Variants in C2CD3 observed in about 807,000 individuals in gnomAD.
The protein encoded by C2CD3 is C2 domain containing 3 centriole elongation regulator.
Under a neutral mutation model 234.0 loss-of-function variants are expected in C2CD3, and 148 were observed. The observed-to-expected ratio is 0.63, with a 90% confidence interval of 0.55 to 0.72. C2CD3 has a LOEUF of 0.72. Among genes scored for constraint, C2CD3 ranks in the 30% least tolerant of loss-of-function variants. C2CD3 has a pLI of 0.00. For missense variants in C2CD3, 2,577 were observed against 2,811.5 expected, an observed-to-expected ratio of 0.92 and a Z score of 1.89; for synonymous variants, 1,000 against 1,035.4, an observed-to-expected ratio of 0.97 and a Z score of 0.66.
intron 30 of C2CD3, chr11:74,036,546 T>A (rs1016448807): frequency 2.2e-6 from 1 of 455,182 alleles, no homozygotes; most frequent in Admixed American, 2.4e-5. Flanking sequence ...TTTTCTCTCC[T>A]GTTAGACAAA....
intron 11 of C2CD3, among the ~76,000 whole-genome samples, chr11:74,109,947 G>C (rs2135504976): frequency 6.6e-6 from 1 of 152,098 alleles, no homozygotes; most frequent in Admixed American, 6.5e-5. Flanking sequence ...TGGGCGCAGT[G>C]GCAGACGCCT....
Position 74,085,834 on chromosome 11 carries a change from T to C in C2CD3, c.3694A>G (p.Asn1232Asp), listed in dbSNP as rs144017362. ...ALQFSATVGV[N>D]ASVTTHLSFL... Reference sequence around the variant, plus strand: ...GAGAGATGAGTGGTGACAGAGGCATTGACCCCGACTGTGGCACTAAACTGT... The same window carrying C: ...GAGAGATGAGTGGTGACAGAGGCATCGACCCCGACTGTGGCACTAAACTGT... The change falls in exon 21 of 33, where the codon AAT becomes GAT. Residue 1232 changes from asparagine to aspartate, a missense_variant. Asn to Asp is a conservative substitution (Grantham distance 23). Transcript: ENST00000334126. 5.6e-6 allele frequency: 9 copies of C among 1,613,968 alleles called. No individual in the cohort carries two copies. In the African/African-American group the frequency reaches 1.2e-4, roughly 22 times the overall value.
At position 74,078,632 on chromosome 11, in the gene C2CD3, A is replaced by T. The variant is rs1565265389; in HGVS notation, c.4086T>A (p.Gly1362=). Residue 1362 remains glycine, a synonymous_variant, in exon 23 of 33, where the codon GGT becomes GGA. Coordinates refer to ENST00000334126, the MANE Select transcript of C2CD3 (RefSeq NM_001286577.2). The part of the protein sequence containing the change: ...GLELMQKIVG[G]LELSISFTHR... ...GCGTGAAGGAAATCGAAAGCTCCAG[A>T]CCACCCACGATCTTCTGCATGAGCT... 1.9e-6 allele frequency: 3 copies of T among 1,614,138 alleles called. No homozygotes were observed. The highest frequency in any genetic ancestry group is 3.3e-4 in the Middle Eastern group (2 of 6,062).
At position 74,170,829 on chromosome 11, in the gene C2CD3, TCTCCAG is replaced by T. The variant is rs1288977518; in HGVS notation, c.-43_-38del. On this transcript the variant is annotated 5_prime_UTR_variant, in exon 1 of 33. Transcript: ENST00000334126. The stretch of plus-strand genomic sequence containing the variant: ...GCTCTTCTTCACCAGCTCAACTCCG[TCTCCAG>T]CACCTAAGCAGTATCCTCCCGCCAT... 6.2e-7 allele frequency: 1 copy of T among 1,613,834 alleles called. No individual in the cohort carries two copies. The highest frequency in any genetic ancestry group is 8.5e-7 in the Non-Finnish European group (1 of 1,179,878).
intron 24 of C2CD3, among the ~76,000 whole-genome samples, chr11:74,071,439 A>G (rs541140095): frequency 2.0e-4 from 30 of 152,286 alleles, no homozygotes; most frequent in African/African-American, 6.7e-4. Context: ...GTGTAGACCT[A>G]TAGTATAGAG....
chr11:74,112,046 G>C (rs1288885582), intron 11 of C2CD3, among the ~76,000 whole-genome samples: 2 of 151,942 alleles, frequency 1.3e-5, no homozygotes, highest in East Asian at 3.8e-4. Flanking sequence ...AATCTTGATT[G>C]TCTGCAAGGA....
rs1432391474 is a variant in C2CD3, at chr11:74,078,357, G to A, written c.4361C>T (p.Pro1454Leu). ...CTGCTTTTTGTTTACAGATTCCTTA[G>A]GCTTCTTGAGAGGGGTCCAAAAGGC... Reference protein sequence around the residue: ...HEAFWTPLKKPKESVNKKQIM... With the variant: ...HEAFWTPLKKLKESVNKKQIM... Residue 1454 changes from proline to leucine, a missense_variant, in exon 23 of 33, where the codon CCT (proline) becomes CTT (leucine). Physicochemically the swap from Pro to Leu is moderately conservative, Grantham distance 98. Transcript: ENST00000334126. The A allele has an allele frequency of 6.2e-7, 1 of 1,614,088 alleles. No homozygotes were observed. The highest frequency in any genetic ancestry group is 1.7e-5 in the Admixed American group (1 of 60,018).
rs1228404428 is a variant in C2CD3, at chr11:74,084,984, C to G, written c.3911-14G>C. On this transcript the variant is annotated splice_polypyrimidine_tract_variant and intron_variant, in intron 21 of 32. Transcript: ENST00000334126. ...TTATATCACTTGCTGTTAAATCAAGCAAAAAAGAAAAATTATTTGATGGTC... is the reference window on the plus strand; with the variant it reads ...TTATATCACTTGCTGTTAAATCAAGGAAAAAAGAAAAATTATTTGATGGTC... 1 of 1,511,360 alleles carries G rather than the reference C, an allele frequency of 6.6e-7. No individual in the cohort carries two copies. The highest frequency in any genetic ancestry group is 9.2e-7 in the Non-Finnish European group (1 of 1,090,080). 93.6% of individuals were successfully genotyped at this position (1,511,360 alleles called of 1,614,324 possible).
intron 3 of C2CD3, among the ~76,000 whole-genome samples, chr11:74,149,297 AC>A (rs368400338): frequency 1.6e-3 from 238 of 152,296 alleles, no homozygotes; most frequent in African/African-American, 5.2e-3. Context: ...AGTACTGATT[AC>A]TTTTCCTTTC....
At position 74,074,569 on chromosome 11, in the gene C2CD3, G is replaced by A; in HGVS notation, c.4635C>T (p.Ser1545=). The part of the protein sequence containing the change: ...GVYPLFGRNA[S]NLSGAALRVH... The stretch of plus-strand genomic sequence containing the variant: ...CTCGCAAGGCAGCTCCTGAGAGGTT[G>A]GAAGCATTTCGTCCAAACAGAGGAT... The change falls in exon 24 of 33, where the codon TCC becomes TCT. Residue 1545 remains serine, a synonymous_variant. Coordinates refer to ENST00000334126, the MANE Select transcript of C2CD3 (RefSeq NM_001286577.2). 2 of 1,613,942 alleles carry A rather than the reference G, an allele frequency of 1.2e-6. No homozygotes were observed. Among genetic ancestry groups the A allele is most frequent in the Non-Finnish European group, 8.5e-7 (1 of 1,179,914 alleles).
At chr11:74,042,626 G>A (rs4944877) in intron 28 of C2CD3, among the ~76,000 whole-genome samples, 19,054 of 151,796 alleles carry the variant, frequency 0.13, 1,613 homozygotes, top group Admixed American at 0.21. Flanking sequence ...GGTGGCAGGC[G>A]CCTGTAATCC....
Position 74,033,683 on chromosome 11 carries a change from A to G in C2CD3, c.6477T>C (p.Ser2159=). ...QSLVACECEA[S]KARVGGESAS... is the part of the protein sequence containing the mutation. ...CAGACTCGCCACCAACCCTGGCCTT[A>G]GAGGCCTCACACTCACAAGCAACAA... Residue 2159 remains serine, a synonymous_variant, in exon 31 of 33, where the codon TCT becomes TCC. Coordinates refer to ENST00000334126, the MANE Select transcript of C2CD3 (RefSeq NM_001286577.2). The G allele has an allele frequency of 6.5e-7, 1 of 1,536,058 alleles. No homozygotes were observed. Among genetic ancestry groups the G allele is most frequent in the Non-Finnish European group, 8.7e-7 (1 of 1,146,748 alleles).
chr11:74,101,654 A>C (rs1289439513), intron 14 of C2CD3, among the ~76,000 whole-genome samples: 1 of 152,226 alleles, frequency 6.6e-6, no homozygotes, highest in East Asian at 1.9e-4. Flanking sequence ...GCAGGAGTTA[A>C]CTGATACAAA....
intron 2 of C2CD3, among the ~76,000 whole-genome samples, chr11:74,165,830 A>T (rs550289923): frequency 4.5e-4 from 68 of 151,494 alleles, no homozygotes; most frequent in East Asian, 7.8e-4. Context: ...AATTAAAAAA[A>T]TTTTTTTTTG....
At chr11:74,153,187 GAC>G (rs1855781475) in intron 3 of C2CD3, among the ~76,000 whole-genome samples, 1 of 151,570 alleles carries the variant, frequency 6.6e-6, no homozygotes, top group Admixed American at 6.6e-5. Flanking sequence ...CAGCCTGGGT[GAC>G]AGAGTGAGAC....
intron 14 of C2CD3, among the ~76,000 whole-genome samples, chr11:74,102,244 T>G (rs888151211): frequency 6.6e-6 from 1 of 152,178 alleles, no homozygotes; most frequent in Admixed American, 6.5e-5. Flanking sequence ...GAAGAACAGA[T>G]TTGGAAGAAG....
intron 2 of C2CD3, among the ~76,000 whole-genome samples, chr11:74,163,549 C>T (rs559275512): frequency 3.3e-5 from 5 of 152,274 alleles, no homozygotes; most frequent in Admixed American, 2.6e-4. Context: ...AGTTAGCTCT[C>T]ACGAGATCTG....
At chr11:74,123,955 C>CT (rs1957313230) in intron 7 of C2CD3, among the ~76,000 whole-genome samples, 1 of 152,064 alleles carries the variant, frequency 6.6e-6, no homozygotes, top group South Asian at 2.1e-4. Context: ...AGGCTGGTCT[C>CT]TAACTCCTTA....
Position 74,166,790 on chromosome 11 carries a change from T to C in C2CD3, c.325+1554A>G, listed in dbSNP as rs916493798. Among the ~76,000 whole-genome samples, 21 of 152,244 alleles carry C rather than the reference T, an allele frequency of 1.4e-4. 1 individual carries two copies. Among genetic ancestry groups the C allele is most frequent in the Admixed American group, 1.2e-3 (19 of 15,288 alleles). On this transcript the variant is annotated intron_variant, in intron 2 of 32. Transcript: ENST00000334126. ...CGCTGCCTGAGTCTTAATATTTTTA[T>C]AAGACTTGTACCTACAATGTGTCAG...
Sources: gnomAD v4.1 joint callset for allele counts (sites outside exome capture counted in the v4.1 genomes callset) on GRCh38, gnomAD v4.1.1 for gene constraint, MANE v1.5 for transcripts, NCBI Gene and HGNC (gene_info 2026-07-23, HGNC 2026-07-21) for gene names.